Variants in NAV2 observed in about 807,000 individuals in gnomAD.
NAV2 encodes neuron navigator 2.
In NAV2, 54 loss-of-function variants were observed where a neutral mutation model predicts 223.2. The ratio of observed to expected loss-of-function variants is 0.24; its 90% confidence interval spans 0.19 to 0.30. NAV2 has a LOEUF of 0.30. Among genes scored for constraint, NAV2 ranks in the 10% least tolerant of loss-of-function variants. The pLI is 1.00. For missense variants in NAV2, 2,806 were observed against 3,147.5 expected (o/e 0.89, Z 2.60); for synonymous variants, 1,279 against 1,239.3 (o/e 1.03, Z -0.67).
At chr11:19,760,851 A>G (rs542232561) in intron 1 of NAV2, among the ~76,000 whole-genome samples, 142 of 152,202 alleles carry the variant, frequency 9.3e-4, no homozygotes, top group African/African-American at 3.4e-3. Context: ...CACAAGCAAT[A>G]TTTGCTTGTG....
chr11:20,082,551 T>C (rs936144331), intron 25 of NAV2: 3 of 1,613,288 alleles, frequency 1.9e-6, no homozygotes, highest in Non-Finnish European at 2.5e-6. Flanking sequence ...TTGTCTTTTT[T>C]CCTCCCCCTT....
At chr11:19,572,017 T>C (rs771373328) in intron 1 of NAV2, among the ~76,000 whole-genome samples, 1 of 152,208 alleles carries the variant, frequency 6.6e-6, no homozygotes, top group Non-Finnish European at 1.5e-5. Flanking sequence ...ATGAGTAGAC[T>C]GGCAGGTAGA....
intron 1 of NAV2, among the ~76,000 whole-genome samples, chr11:19,528,763 C>T (rs1212981110): frequency 6.6e-6 from 1 of 151,988 alleles, no homozygotes; most frequent in Admixed American, 6.6e-5. Flanking sequence ...AACCCTGTCT[C>T]TACTAAAAAT....
At chr11:19,569,163 A>G (rs1266784036) in intron 1 of NAV2, among the ~76,000 whole-genome samples, 1 of 152,232 alleles carries the variant, frequency 6.6e-6, no homozygotes, top group Non-Finnish European at 1.5e-5. Context: ...GTTTTAAATA[A>G]TAAAGAAATT....
intron 1 of NAV2, among the ~76,000 whole-genome samples, chr11:19,736,975 G>A (rs908033503): frequency 2.6e-5 from 4 of 152,214 alleles, no homozygotes; most frequent in South Asian, 2.1e-4. Context: ...TTGGCGGGCC[G>A]GTCTCACACA....
intron 3 of NAV2, among the ~76,000 whole-genome samples, chr11:19,866,787 G>A (rs947713366): frequency 3.3e-5 from 5 of 152,004 alleles, no homozygotes; most frequent in Non-Finnish European, 7.4e-5. Flanking sequence ...GCCCACCTCC[G>A]TGACACTTCC....
Position 19,948,886 on chromosome 11 carries a change from G to A in NAV2, c.2451G>A (p.Glu817=), listed in dbSNP as rs1352781176. Residue 817 remains glutamate (E), a synonymous_variant, in exon 10 of 38, where the codon GAG becomes GAA. Transcript: ENST00000349880. ...RANASRFINT[E]SGRYVYSAPL... The stretch of plus-strand genomic sequence containing the variant: ...ACGCCAGCAGGTTCATCAACACTGA[G>A]TCAGGTCGCTATGTGTACTCCGCCC... 2 of 1,614,128 alleles carry A rather than the reference G, an allele frequency of 1.2e-6. No individual in the cohort carries two copies. Among genetic ancestry groups the A allele is most frequent in the Non-Finnish European group, 1.7e-6 (2 of 1,180,026 alleles).
chr11:19,378,550 A>G (rs1018799167), intron 1 of NAV2, among the ~76,000 whole-genome samples: 12 of 132,080 alleles, frequency 9.1e-5, no homozygotes, highest in Non-Finnish European at 1.6e-4. Context: ...TTGTGGTGAT[A>G]GGGCCGGTCG....
chr11:19,770,761 G>A (rs1485847732), intron 1 of NAV2, among the ~76,000 whole-genome samples: 1 of 152,068 alleles, frequency 6.6e-6, no homozygotes, highest in South Asian at 2.1e-4. Context: ...TGTTTCGAGC[G>A]TTTTGAGGGC....
chr11:19,762,483 C>A (rs2054836779), intron 1 of NAV2, among the ~76,000 whole-genome samples: 1 of 152,194 alleles, frequency 6.6e-6, no homozygotes, highest in Non-Finnish European at 1.5e-5. Flanking sequence ...TTGCAATATG[C>A]TGTATTAGTT....
chr11:19,962,481 G>A (rs1238535255), intron 10 of NAV2, among the ~76,000 whole-genome samples: 6 of 152,084 alleles, frequency 3.9e-5, no homozygotes, highest in African/African-American at 1.4e-4. Context: ...AAGGGAGGAG[G>A]CAACTCACCT....
At position 20,107,057 on chromosome 11, in the gene NAV2, A is replaced by ATTTTTTTTTTT. The variant is rs10590815; in HGVS notation, c.6842-579_6842-569dup. On this transcript the variant is annotated intron_variant, in intron 35 of 37. Transcript: ENST00000349880. ...TTTGGACTTGCAGTCATGGGCTTCC[A>ATTTTTTTTTTT]TTTTTTTTTTTTTTTTTTTTTTTTT... 1.5e-4 allele frequency among the ~76,000 whole-genome samples: 4 copies of ATTTTTTTTTTT among 27,254 alleles called. 1 individual carries two copies. Among genetic ancestry groups the ATTTTTTTTTTT allele is most frequent in the African/African-American group, 4.1e-4 (3 of 7,388 alleles). The allele number at this position is 27,254 out of a possible 152,430, so 17.9% of individuals were successfully genotyped here. A position where few individuals can be genotyped will look rare whatever the true frequency, so the allele number is the denominator to read the frequency against.
At chr11:19,575,848 C>T (rs1230493207) in intron 1 of NAV2, among the ~76,000 whole-genome samples, 1 of 152,170 alleles carries the variant, frequency 6.6e-6, no homozygotes, top group Non-Finnish European at 1.5e-5. Flanking sequence ...CTGTACCAGG[C>T]ACTATGAGAG....
intron 8 of NAV2, 56 bp from the exon 9 acceptor site, chr11:19,946,345 T>G: frequency 6.7e-7 from 1 of 1,500,252 alleles, no homozygotes; most frequent in Non-Finnish European, 9.1e-7. Context: ...ATGCTGCCCT[T>G]ATGAAGCTCA....
chr11:20,003,854 T>C (rs1025076471), intron 11 of NAV2, among the ~76,000 whole-genome samples: 1 of 152,214 alleles, frequency 6.6e-6, no homozygotes, highest in African/African-American at 2.4e-5. Flanking sequence ...GTTGCTCTTA[T>C]TCTTCAGTAA....
intron 3 of NAV2, among the ~76,000 whole-genome samples, chr11:19,860,160 A>G (rs11025293): frequency 0.11 from 9,434 of 83,524 alleles, 373 homozygotes; most frequent in Admixed American, 0.16. Flanking sequence ...GCGGCTGGCC[A>G]GGCGGGGGGC....
rs2053553079 is a variant in NAV2 at position 20,011,385 on chromosome 11, TG to T, written c.2769-24573del. Among the ~76,000 whole-genome samples, 4 of 152,376 alleles carry T rather than the reference TG, an allele frequency of 2.6e-5. No individual in the cohort carries two copies. In the South Asian group the frequency reaches 8.3e-4, roughly 32 times the overall value. ...GAGAAATCTATCGTTAACACCGTGG[TG>T]CTTTCCAGGTGTTTTTTGTTCATGT... On this transcript the variant is annotated intron_variant, in intron 11 of 37. Transcript: ENST00000349880.
At chr11:19,566,031 G>GATTTCATTTTATTTTATTTT (rs1554964882) in intron 1 of NAV2, among the ~76,000 whole-genome samples, 1 of 138,494 alleles carries the variant, frequency 7.2e-6, no homozygotes, top group South Asian at 2.5e-4. Context: ...TATCCAAGGA[G>GATTTCATTTTATTTTATTTT]ATTTTATTTT....
chr11:20,057,395 A>G (rs192955893), intron 19 of NAV2, among the ~76,000 whole-genome samples: 12 of 152,306 alleles, frequency 7.9e-5, no homozygotes, highest in Admixed American at 3.3e-4. Flanking sequence ...CATTCAGTGA[A>G]CAGGCACAAG....
Sources: allele counts gnomAD v4.1 joint callset (sites outside exome capture counted in the v4.1 genomes callset), GRCh38; gene constraint gnomAD v4.1.1; transcripts MANE v1.5; gene names NCBI Gene and HGNC (gene_info 2026-07-23, HGNC 2026-07-21).